SMARCA2: variants seen among roughly 807,000 people sequenced by gnomAD.
The protein encoded by SMARCA2 is SWI/SNF-related matrix-associated actin-dependent regulator of chromatin subfamily A member 2.
Under a neutral mutation model 199.8 loss-of-function variants are expected in SMARCA2, and 61 were observed. The observed-to-expected ratio is 0.31, with a 90% CI of 0.25 to 0.38. SMARCA2 has a LOEUF of 0.38. SMARCA2 is among the 10% of genes least tolerant of loss of function. The pLI is 1.00. For missense variants in SMARCA2, 1,344 were observed against 2,012.2 expected (o/e 0.67, Z 6.35); for synonymous variants, 935 against 732.0 (o/e 1.28, Z -4.48).
chr9:2,026,109 G>T (rs991909484), intron 1 of SMARCA2, among the ~76,000 whole-genome samples: 1 of 152,152 alleles, frequency 6.6e-6, no homozygotes, highest in South Asian at 2.1e-4. Flanking sequence ...CCCTAGAGTT[G>T]GTGGTGACCC....
intron 1 of SMARCA2, among the ~76,000 whole-genome samples, chr9:2,020,651 G>A (rs1397889970): frequency 1.3e-5 from 2 of 152,086 alleles, no homozygotes; most frequent in Non-Finnish European, 2.9e-5. Flanking sequence ...TTTATTATGA[G>A]TTTATTATTA....
intron 29 of SMARCA2, among the ~76,000 whole-genome samples, chr9:2,180,456 A>G (rs1826946411): frequency 6.6e-6 from 1 of 152,224 alleles, no homozygotes; most frequent in Admixed American, 6.5e-5. Context: ...TTAAAACAGC[A>G]TGTTGTCACT....
At chr9:2,183,034 G>A (rs923650240) in intron 31 of SMARCA2, among the ~76,000 whole-genome samples, 14 of 152,148 alleles carry the variant, frequency 9.2e-5, no homozygotes, top group African/African-American at 3.4e-4. Context: ...CAGGTGATCT[G>A]CCCACCTCAG....
chr9:2,133,498 G>T (rs1236470923), intron 27 of SMARCA2, among the ~76,000 whole-genome samples: 1 of 151,952 alleles, frequency 6.6e-6, no homozygotes, highest in Non-Finnish European at 1.5e-5. Context: ...GCCTAGGCTG[G>T]TCTTGAACTC....
chr9:2,111,300 C>T (rs561967417), intron 24 of SMARCA2, among the ~76,000 whole-genome samples: 2 of 151,710 alleles, frequency 1.3e-5, no homozygotes, highest in African/African-American at 4.8e-5. Flanking sequence ...CCAGCCTGGG[C>T]AACATGGTGA....
At chr9:2,140,009 C>G (rs1348038500) in intron 27 of SMARCA2, among the ~76,000 whole-genome samples, 1 of 152,200 alleles carries the variant, frequency 6.6e-6, no homozygotes, top group Non-Finnish European at 1.5e-5. Context: ...GCTTGGCAGT[C>G]AGAAGCAAAA....
chr9:2,039,722 T>C lies in SMARCA2; in HGVS notation c.612T>C (p.Leu204=), dbSNP rs780724512. ...AGCCCCTCCCCGAAACGCTGCAGCT[T>C]GCAGTCCAGGGGAAAAGGACGTTGC... is the stretch of plus-strand genomic sequence containing the variant. ...RGQPLPETLQ[L]AVQGKRTLPG... The change falls in exon 4 of 34, where the codon CTT becomes CTC. Residue 204 remains leucine, a synonymous_variant. Coordinates refer to ENST00000349721, the MANE Select transcript of SMARCA2 (RefSeq NM_003070.5). This position sits in a 1 kb window ranked among gnomAD's most constrained non-coding sequence, Gnocchi z 4.8. 6 of 1,613,810 alleles carry C rather than the reference T, an allele frequency of 3.7e-6. No homozygotes were observed. Among genetic ancestry groups the C allele is most frequent in the Non-Finnish European group, 5.1e-6 (6 of 1,180,028 alleles).
At chr9:2,049,520 C>G (rs1820026152) in intron 5 of SMARCA2, among the ~76,000 whole-genome samples, 1 of 152,158 alleles carries the variant, frequency 6.6e-6, no homozygotes, top group African/African-American at 2.4e-5. Flanking sequence ...TTTATAAATG[C>G]CTACTCTTTT....
At chr9:2,168,687 C>T (rs1826069974) in intron 28 of SMARCA2, among the ~76,000 whole-genome samples, 1 of 152,206 alleles carries the variant, frequency 6.6e-6, no homozygotes, top group Non-Finnish European at 1.5e-5. Context: ...TCGTAACAAA[C>T]ATTTTAAACC....
At chr9:2,125,511 A>G (rs2130632501) in intron 27 of SMARCA2, among the ~76,000 whole-genome samples, 1 of 138,440 alleles carries the variant, frequency 7.2e-6, no homozygotes, top group African/African-American at 2.8e-5. Flanking sequence ...TTTTTTTGAG[A>G]CAGAGTCTCT....
chr9:2,041,509 C>A, intron 4 of SMARCA2: 1 of 398,166 alleles, frequency 2.5e-6, no homozygotes, highest in Non-Finnish European at 4.4e-6. Context: ...GGACTCTACT[C>A]TCATGAAATA....
chr9:2,045,209 GTAAGACC>G (rs1356453203), intron 4 of SMARCA2: 1 of 152,214 alleles, frequency 6.6e-6, no homozygotes, highest in Non-Finnish European at 1.5e-5. Flanking sequence ...GATATTATCA[GTAAGACC>G]TAAAGATGGT....
intron 9 of SMARCA2, among the ~76,000 whole-genome samples, chr9:2,061,674 G>T (rs1244856128): frequency 6.6e-6 from 1 of 152,160 alleles, no homozygotes; most frequent in East Asian, 1.9e-4. Flanking sequence ...TCTAGTTAGT[G>T]GTTGATACTG....
chr9:2,087,820 A>C (rs1482063455), intron 18 of SMARCA2, among the ~76,000 whole-genome samples: 3 of 152,226 alleles, frequency 2.0e-5, no homozygotes, highest in Non-Finnish European at 4.4e-5. Flanking sequence ...GTTGAGGCAC[A>C]TGGGCCCATC....
chr9:2,102,516 A>G (rs1481527933), intron 22 of SMARCA2, among the ~76,000 whole-genome samples: 1 of 152,206 alleles, frequency 6.6e-6, no homozygotes, highest in Non-Finnish European at 1.5e-5. Context: ...TTTCAGTACT[A>G]TAGATTACAT....
chr9:2,167,613 G>C (rs1171887309), intron 28 of SMARCA2, among the ~76,000 whole-genome samples: 2 of 152,240 alleles, frequency 1.3e-5, no homozygotes, highest in Non-Finnish European at 2.9e-5. Flanking sequence ...AGTCTCTGCT[G>C]TCTTCCCCTA....
At chr9:2,175,157 G>T (rs1826491140) in intron 29 of SMARCA2, among the ~76,000 whole-genome samples, 1 of 152,086 alleles carries the variant, frequency 6.6e-6, no homozygotes, top group Non-Finnish European at 1.5e-5. Context: ...TTAGTCAGAT[G>T]GGCAGTGGAG....
chr9:2,164,010 G>C (rs769583333), intron 28 of SMARCA2, among the ~76,000 whole-genome samples: 14 of 152,050 alleles, frequency 9.2e-5, no homozygotes, highest in Non-Finnish European at 1.8e-4. Flanking sequence ...ACTTTGCCCA[G>C]CTCTCCCTAA....
At chr9:2,091,042 C>T (rs1445171950) in intron 19 of SMARCA2, among the ~76,000 whole-genome samples, 1 of 151,966 alleles carries the variant, frequency 6.6e-6, no homozygotes, top group Non-Finnish European at 1.5e-5. Context: ...AGCAGTAATT[C>T]TCAAATGTTT....
Sources: allele counts gnomAD v4.1 joint callset (sites outside exome capture counted in the v4.1 genomes callset), GRCh38; gene constraint gnomAD v4.1.1; non-coding constraint Gnocchi (gnomAD v3.1); transcripts MANE v1.5; gene names NCBI Gene and HGNC (gene_info 2026-07-23, HGNC 2026-07-21).